Variants in PDK1 observed in about 807,000 individuals in gnomAD.
The protein encoded by PDK1 is [Pyruvate dehydrogenase (acetyl-transferring)] kinase isozyme 1, mitochondrial.
In PDK1, 39 loss-of-function variants were observed where a neutral mutation model predicts 54.2. The ratio of observed to expected loss-of-function variants is 0.72; its 90% CI spans 0.56 to 0.94. The LOEUF is 0.94. Among genes scored for constraint, PDK1 ranks in the 40% least tolerant of loss-of-function variants. The pLI is 0.00. For synonymous variants in PDK1, 221 were observed against 207.1 expected (o/e 1.07, Z -0.58); for missense variants, 552 against 566.0 (o/e 0.98, Z 0.25).
chr2:172,686,875 A>T, the PDK1 span, among the ~76,000 whole-genome samples: 1 of 152,196 alleles, frequency 6.6e-6, no homozygotes, highest in Non-Finnish European at 1.5e-5. Context: ...TCATGATCCA[A>T]ATAAGATTAC....
the PDK1 span, among the ~76,000 whole-genome samples, chr2:172,665,988 T>C: frequency 4.9e-4 from 75 of 152,260 alleles, no homozygotes; most frequent in Middle Eastern, 0.01. Flanking sequence ...AACAGAAAAA[T>C]AGTAGGAGCC....
chr2:172,632,854 C>T, the PDK1 span, among the ~76,000 whole-genome samples: 1 of 151,380 alleles, frequency 6.6e-6, no homozygotes, highest in Non-Finnish European at 1.5e-5. Context: ...GTGGCGCGCA[C>T]CTGTAGTCCC....
At chr2:172,656,412 G>C in the PDK1 span, among the ~76,000 whole-genome samples, 2 of 152,086 alleles carry the variant, frequency 1.3e-5, no homozygotes, top group African/African-American at 4.8e-5. Context: ...CCGTGTCCCT[G>C]GGCTGTGACC....
At chr2:172,643,225 G>A in the PDK1 span, among the ~76,000 whole-genome samples, 1 of 152,178 alleles carries the variant, frequency 6.6e-6, no homozygotes, top group Admixed American at 6.5e-5. Context: ...GGCTGAAAAG[G>A]TGACTGTTAG....
the PDK1 span, among the ~76,000 whole-genome samples, chr2:172,705,957 C>A: frequency 0.013 from 1,937 of 152,288 alleles, 38 homozygotes; most frequent in African/African-American, 0.043. Context: ...GCTGTAGATT[C>A]TCATGCAGTT....
chr2:172,723,507 T>A, the PDK1 span: 1 of 152,224 alleles, frequency 6.6e-6, no homozygotes, highest in African/African-American at 2.4e-5. Flanking sequence ...TTGAAGGATA[T>A]TCTGTAAAAT....
At position 172,595,983 on chromosome 2, in the gene PDK1, A is replaced by T; in HGVS notation, c.*14A>T. On this transcript the variant is annotated 3_prime_UTR_variant, in exon 11 of 11. Transcript: ENST00000282077. ...CGCAGTGCCTAGACACACTTGGGAC[A>T]TCGGAAAATCCAAATGTGGCTTTTG... 1.9e-6 allele frequency: 3 copies of T among 1,596,484 alleles called. No individual in the cohort carries two copies. The highest frequency in any genetic ancestry group is 1.1e-5 in the South Asian group (1 of 89,526).
chr2:172,670,961 C>T, the PDK1 span, among the ~76,000 whole-genome samples: 3 of 152,048 alleles, frequency 2.0e-5, no homozygotes, highest in East Asian at 3.9e-4. Context: ...TCAGGAGCTA[C>T]AAAATGCTAA....
intron 4 of PDK1, 140 bp downstream of exon 4, chr2:172,564,827 CA>C (rs750204950): frequency 4.5e-5 from 38 of 852,482 alleles, no homozygotes; most frequent in Non-Finnish European, 6.6e-5. Context: ...AGACTGCCAT[CA>C]AGAAAGGTGT....
At chr2:172,713,110 C>G in the PDK1 span, among the ~76,000 whole-genome samples, 1 of 152,150 alleles carries the variant, frequency 6.6e-6, no homozygotes, top group Non-Finnish European at 1.5e-5. Context: ...GAGTGGGTAG[C>G]TCCTATCCAC....
chr2:172,575,550 G>A (rs1408465423), intron 8 of PDK1, among the ~76,000 whole-genome samples: 1 of 152,144 alleles, frequency 6.6e-6, no homozygotes, highest in Admixed American at 6.5e-5. Context: ...GCCAGGCACG[G>A]TGGCTTAACG....
the PDK1 span, among the ~76,000 whole-genome samples, chr2:172,642,919 ACTC>A: frequency 2.8e-5 from 4 of 144,262 alleles, no homozygotes; most frequent in South Asian, 2.2e-4. Flanking sequence ...TCTTTCTCCT[ACTC>A]CTCCTTCTTC....
intron 9 of PDK1, among the ~76,000 whole-genome samples, chr2:172,588,825 G>A (rs759841618): frequency 2.0e-5 from 3 of 152,126 alleles, no homozygotes; most frequent in African/African-American, 7.2e-5. Flanking sequence ...CTGTAAGTCC[G>A]GAGAGGAACA....
the PDK1 span, among the ~76,000 whole-genome samples, chr2:172,713,703 A>T: frequency 6.6e-6 from 1 of 152,172 alleles, no homozygotes; most frequent in Non-Finnish European, 1.5e-5. Flanking sequence ...GGACAGGGGG[A>T]CTTCCTGGGC....
chr2:172,670,224 T>C, the PDK1 span, among the ~76,000 whole-genome samples: 2 of 152,194 alleles, frequency 1.3e-5, no homozygotes, highest in East Asian at 3.8e-4. Flanking sequence ...AGCTAAAAAT[T>C]GCTTAAATTT....
At chr2:172,625,027 G>C in the PDK1 span, among the ~76,000 whole-genome samples, 3 of 151,372 alleles carry the variant, frequency 2.0e-5, no homozygotes, top group Non-Finnish European at 4.4e-5. Flanking sequence ...GGTGACAAAA[G>C]CCTGATAATG....
At chr2:172,699,293 CAT>C in the PDK1 span, among the ~76,000 whole-genome samples, 1 of 152,172 alleles carries the variant, frequency 6.6e-6, no homozygotes, top group Non-Finnish European at 1.5e-5. Flanking sequence ...GCATGGAAAA[CAT>C]ATTCCTTATC....
chr2:172,586,051 C>T (rs995081461), intron 8 of PDK1, among the ~76,000 whole-genome samples: 7 of 150,748 alleles, frequency 4.6e-5, no homozygotes, highest in African/African-American at 1.2e-4. Flanking sequence ...CCCAGTTACT[C>T]GGGAGGCTGA....
chr2:172,718,213 A>C, the PDK1 span, among the ~76,000 whole-genome samples: 1 of 152,240 alleles, frequency 6.6e-6, no homozygotes, highest in African/African-American at 2.4e-5. Context: ...CTTTAGTTTT[A>C]GGTAACAGGT....
Sources: allele counts gnomAD v4.1 joint callset (sites outside exome capture counted in the v4.1 genomes callset), GRCh38; gene constraint gnomAD v4.1.1; transcripts MANE v1.5; gene names NCBI Gene and HGNC (gene_info 2026-07-23, HGNC 2026-07-21).